CUX1: variants seen among roughly 807,000 people sequenced by gnomAD.
CUX1 encodes the protein cut like homeobox 1.
A neutral mutation model predicts 158.8 loss-of-function variants in CUX1; 31 were observed. The ratio of observed to expected loss-of-function variants is 0.20; its 90% confidence interval spans 0.15 to 0.26. The LOEUF is 0.26. Ranked by LOEUF, CUX1 falls within the 10% of genes least tolerant of loss-of-function variation. The probability of loss-of-function intolerance (pLI) is 1.00; values close to 1 mark genes in which losing one functional copy is unlikely to be tolerated. For missense variants in CUX1, 1,589 were observed against 2,014.6 expected (o/e 0.79, Z 4.04); for synonymous variants, 879 against 862.1 (o/e 1.02, Z -0.34).
At chr7:102,066,745 T>A (rs443159) in intron 3 of CUX1, among the ~76,000 whole-genome samples, 126,591 of 151,928 alleles carry the variant, frequency 0.83, 52,872 homozygotes, top group East Asian at 0.99. Flanking sequence ...AGCCCCAGGT[T>A]GCGTTCCAAT....
intron 13 of CUX1, among the ~76,000 whole-genome samples, chr7:102,195,289 G>A (rs1794675335): frequency 6.6e-6 from 1 of 152,140 alleles, no homozygotes; most frequent in Admixed American, 6.5e-5. Context: ...GAAGGAAAAT[G>A]ACTTCAACTA....
At chr7:101,837,786 G>A (rs942556901) in intron 1 of CUX1, among the ~76,000 whole-genome samples, 2 of 125,846 alleles carry the variant, frequency 1.6e-5, no homozygotes, top group Admixed American at 9.8e-5. Flanking sequence ...AGCCATGATC[G>A]TGACACTGCA....
chr7:101,858,719 G>T (rs941288824), intron 1 of CUX1, among the ~76,000 whole-genome samples: 1 of 143,008 alleles, frequency 7.0e-6, no homozygotes, highest in Non-Finnish European at 1.5e-5. Flanking sequence ...AGGCTGGAGT[G>T]CAGTGGCACG....
intron 8 of CUX1, among the ~76,000 whole-genome samples, chr7:102,131,149 T>C (rs1833186318): frequency 6.6e-6 from 1 of 150,484 alleles, no homozygotes; most frequent in Non-Finnish European, 1.5e-5. Flanking sequence ...TAGGATTTAA[T>C]GAATATATAG....
At chr7:102,105,220 C>T (rs1196402181) in intron 6 of CUX1, among the ~76,000 whole-genome samples, 3 of 150,774 alleles carry the variant, frequency 2.0e-5, no homozygotes, top group Non-Finnish European at 4.4e-5. Context: ...CACACAGACT[C>T]TCTGATGTAT....
chr7:102,254,884 T>G lies in CUX1; in HGVS notation c.*5842T>G. 1 of 985,480 alleles carries G rather than the reference T, an allele frequency of 1.0e-6. No individual in the cohort carries two copies. The highest frequency in any genetic ancestry group is 1.2e-6 in the Non-Finnish European group (1 of 829,948). 61.0% of individuals were successfully genotyped at this position (985,480 alleles called of 1,614,324 possible). A position where few individuals can be genotyped will look rare whatever the true frequency, so the allele number is the denominator to read the frequency against. Reference sequence around the variant, plus strand: ...ATCTTATTTCTATTTCGATCAGGTTTTGACTTTTTGTAGATGAAAACTACC... The same window carrying G: ...ATCTTATTTCTATTTCGATCAGGTTGTGACTTTTTGTAGATGAAAACTACC... On this transcript the variant is annotated 3_prime_UTR_variant, in exon 24 of 24. Transcript: ENST00000292535.
intron 11 of CUX1, among the ~76,000 whole-genome samples, chr7:102,189,413 G>A (rs797037475): frequency 6.8e-6 from 1 of 146,694 alleles, no homozygotes; most frequent in African/African-American, 2.5e-5. Context: ...AAAGAGGTAG[G>A]GTCTCCACTC....
chr7:102,040,921 G>A (rs961670710), intron 3 of CUX1, among the ~76,000 whole-genome samples: 1 of 152,162 alleles, frequency 6.6e-6, no homozygotes, highest in African/African-American at 2.4e-5. Flanking sequence ...GAGACTCACT[G>A]GAGCAGTACT....
intron 8 of CUX1, among the ~76,000 whole-genome samples, chr7:102,143,344 C>T (rs1395423004): frequency 1.3e-5 from 2 of 152,224 alleles, no homozygotes; most frequent in Non-Finnish European, 2.9e-5. Flanking sequence ...TCATAGCTCA[C>T]TGCAGCCTCC....
intron 20 of CUX1, among the ~76,000 whole-genome samples, chr7:102,205,917 C>T (rs1795902000): frequency 6.6e-6 from 1 of 152,202 alleles, no homozygotes; most frequent in African/African-American, 2.4e-5. Context: ...CAATCCCACA[C>T]TTGGAGCTGA....
chr7:101,999,217 C>CTTTTTTTTTTTTTTTT (rs3988167), intron 2 of CUX1, among the ~76,000 whole-genome samples: 4 of 85,838 alleles, frequency 4.7e-5, no homozygotes, highest in Non-Finnish European at 6.1e-5. Context: ...TTTTTTTTAC[C>CTTTTTTTTTTTTTTTT]TTTTTTTTTT....
At chr7:102,001,564 G>A (rs1415647250) in intron 2 of CUX1, among the ~76,000 whole-genome samples, 1 of 152,128 alleles carries the variant, frequency 6.6e-6, no homozygotes, top group African/African-American at 2.4e-5. Context: ...GGCTGGTCTC[G>A]AACTCCTGAC....
intron 14 of CUX1, among the ~76,000 whole-genome samples, chr7:102,195,867 C>G (rs900340255): frequency 6.6e-6 from 1 of 152,214 alleles, no homozygotes; most frequent in African/African-American, 2.4e-5. Context: ...GGCTGGAATC[C>G]CCGGGAGGGA....
At chr7:102,143,205 A>G (rs1834649970) in intron 8 of CUX1, among the ~76,000 whole-genome samples, 2 of 152,210 alleles carry the variant, frequency 1.3e-5, no homozygotes, top group African/African-American at 2.4e-5. Context: ...TTCCTGGGTC[A>G]GATGGTACTT....
intron 1 of CUX1, among the ~76,000 whole-genome samples, chr7:101,829,671 G>T (rs551354328): frequency 7.2e-6 from 1 of 138,148 alleles, no homozygotes; most frequent in Non-Finnish European, 1.6e-5. Flanking sequence ...AGCAGCAGGG[G>T]ATGGAAATGG....
chr7:101,885,571 A>G (rs1257582132), intron 1 of CUX1, among the ~76,000 whole-genome samples: 1 of 152,162 alleles, frequency 6.6e-6, no homozygotes, highest in African/African-American at 2.4e-5. Context: ...AAAATAAAAA[A>G]TAAAGATGGA....
At chr7:102,103,298 T>C (rs1829979109) in intron 5 of CUX1, among the ~76,000 whole-genome samples, 1 of 152,150 alleles carries the variant, frequency 6.6e-6, no homozygotes, top group Admixed American at 6.5e-5. Context: ...CTCCATGCTT[T>C]ATCCACCTAG....
At chr7:101,870,689 C>A (rs938217657) in intron 1 of CUX1, among the ~76,000 whole-genome samples, 1 of 152,126 alleles carries the variant, frequency 6.6e-6, no homozygotes, top group African/African-American at 2.4e-5. Flanking sequence ...ACAATTAGCT[C>A]GATGTGGATT....
exon 23 of CUX1, chr7:102,283,463 C>G (rs1433407733): frequency 1.1e-5 from 3 of 268,376 alleles, no homozygotes; most frequent in South Asian, 9.8e-5. Flanking sequence ...TTGGGCCTGT[C>G]TGCACTGCGA....
Sources: allele counts gnomAD v4.1 joint callset (sites outside exome capture counted in the v4.1 genomes callset), GRCh38; gene constraint gnomAD v4.1.1; transcripts MANE v1.5; gene names NCBI Gene and HGNC (gene_info 2026-07-23, HGNC 2026-07-21).